Variants in VPS13A observed in about 807,000 individuals in gnomAD.
VPS13A encodes intermembrane lipid transfer protein VPS13A.
In VPS13A, 264 loss-of-function variants were observed where a neutral mutation model predicts 390.9. That is an observed-to-expected ratio of 0.68 (90% confidence interval 0.61 to 0.75). The LOEUF (loss-of-function observed/expected upper bound fraction) is 0.75, where lower values mean the gene tolerates loss of function less well. Among genes scored for constraint, VPS13A ranks in the 30% least tolerant of loss-of-function variants. The pLI is 0.00. For synonymous variants in VPS13A, 1,231 were observed against 1,227.1 expected (o/e 1.00, Z -0.07); for missense variants, 3,409 against 3,733.9 (o/e 0.91, Z 2.27).
intron 10 of VPS13A, among the ~76,000 whole-genome samples, chr9:77,216,713 A>G (rs1310947376): frequency 1.3e-5 from 2 of 152,210 alleles, no homozygotes; most frequent in African/African-American, 4.8e-5. Flanking sequence ...AGATGAGTTT[A>G]TTAAGGAGTA....
intron 21 of VPS13A, among the ~76,000 whole-genome samples, chr9:77,251,589 T>A (rs7860618): frequency 0.19 from 29,218 of 152,148 alleles, 3,650 homozygotes; most frequent in East Asian, 0.38. Flanking sequence ...TTTTTTTACA[T>A]GATTTATATA....
At chr9:77,188,068 A>G (rs763215875) in intron 1 of VPS13A, among the ~76,000 whole-genome samples, 26 of 152,136 alleles carry the variant, frequency 1.7e-4, no homozygotes, top group Non-Finnish European at 3.5e-4. Context: ...TAGTTCTTGC[A>G]AGATCTGGTT....
chr9:77,390,016 C>T (rs1307538074), intron 68 of VPS13A: 2 of 930,564 alleles, frequency 2.1e-6, no homozygotes, highest in African/African-American at 3.6e-5. Flanking sequence ...TAACTGCCGT[C>T]AGCCGACGTG....
In VPS13A at chr9:77,344,139, A is replaced by G. The variant is rs200772178; in HGVS notation, c.7027-14A>G. ...TCTGTTTATTTTTATAAACATATAT[A>G]ATGTATATTTTAGTGTATCCCCTTT... is the stretch of plus-strand genomic sequence containing the variant. On this transcript the variant is annotated splice_polypyrimidine_tract_variant and intron_variant, in intron 50 of 71. Transcript: ENST00000360280. 3.2e-6 allele frequency: 5 copies of G among 1,554,810 alleles called. No homozygotes were observed. Among genetic ancestry groups the G allele is most frequent in the African/African-American group, 1.4e-5 (1 of 73,616 alleles).
At chr9:77,273,677 G>C (rs1331635344) in intron 24 of VPS13A, among the ~76,000 whole-genome samples, 1 of 152,136 alleles carries the variant, frequency 6.6e-6, no homozygotes, top group African/African-American at 2.4e-5. Context: ...TCAGGGATAG[G>C]GGTTGCTGGG....
rs1286595566 is a variant in VPS13A, at chr9:77,207,231, ATATATATATATATATATATAT to A, written c.385+1153_385+1173del. Among the ~76,000 whole-genome samples the A allele has an allele frequency of 6.5e-4, 63 of 97,326 alleles. 2 individuals are homozygous for A. Among genetic ancestry groups the A allele is most frequent in the Non-Finnish European group, 8.4e-4 (39 of 46,318 alleles). The allele number at this position is 97,326 out of a possible 152,430, so 63.8% of individuals were successfully genotyped here. A position where few individuals can be genotyped will look rare whatever the true frequency, so the allele number is the denominator to read the frequency against. ...TTAGATATTATATATATATATATAT[ATATATATATATATATATATAT>A]AAAACGTGTTATATGTAACATAACA... On this transcript the variant is annotated intron_variant, in intron 5 of 71. Transcript: ENST00000360280.
chr9:77,191,683 G>C (rs1824696603), intron 1 of VPS13A, among the ~76,000 whole-genome samples: 1 of 152,132 alleles, frequency 6.6e-6, no homozygotes, highest in South Asian at 2.1e-4. Flanking sequence ...CCATGGAATT[G>C]TATGGTTTTG....
rs1006981235 is a variant in VPS13A, at chr9:77,410,988, C to G, written c.9474+3381C>G. ...ACCCCAAATCAACAGAATATACATTCTTTTCAGCACCACACTGCACTTATT... is the reference window on the plus strand; with the variant it reads ...ACCCCAAATCAACAGAATATACATTGTTTTCAGCACCACACTGCACTTATT... On this transcript the variant is annotated intron_variant, in intron 71 of 71. Transcript: ENST00000360280. 5.3e-5 allele frequency among the ~76,000 whole-genome samples: 8 copies of G among 152,298 alleles called. No homozygotes were observed. In the East Asian group the frequency reaches 1.5e-3, roughly 29 times the overall value.
intron 21 of VPS13A, among the ~76,000 whole-genome samples, chr9:77,251,764 A>G (rs535037832): frequency 7.9e-4 from 121 of 152,240 alleles, no homozygotes; most frequent in African/African-American, 2.7e-3. Context: ...GCCAATCAAC[A>G]ACATCCAAGT....
chr9:77,237,960 A>G (rs767152935), intron 17 of VPS13A, 42 bp from the exon 18 acceptor site: 7 of 1,465,688 alleles, frequency 4.8e-6, no homozygotes, highest in African/African-American at 4.2e-5. Flanking sequence ...ATCCTTCACA[A>G]TTTTACTGAT....
At chr9:77,403,510 AAC>A (rs1167729572) in intron 69 of VPS13A, among the ~76,000 whole-genome samples, 189 bp downstream of exon 69, 1 of 152,202 alleles carries the variant, frequency 6.6e-6, no homozygotes, top group Non-Finnish European at 1.5e-5. Flanking sequence ...CATACAGATA[AAC>A]ACAGTCATGC....
chr9:77,272,983 C>G lies in VPS13A; in HGVS notation c.2428-297C>G, dbSNP rs899183780. Among the ~76,000 whole-genome samples, 186 of 152,192 alleles carry G rather than the reference C, an allele frequency of 1.2e-3. 2 individuals carry two copies. Among genetic ancestry groups the G allele is most frequent in the Non-Finnish European group, 2.8e-4 (19 of 67,992 alleles). ...GACTTGTGTGTTCCTCACAGATGTC[C>G]TGATTTAATACTATGTTGACTTAAA... is the stretch of plus-strand genomic sequence containing the variant. On this transcript the variant is annotated intron_variant, in intron 23 of 71. Coordinates refer to ENST00000360280, the MANE Select transcript of VPS13A (RefSeq NM_033305.3).
At chr9:77,337,903 A>G (rs529792380) in intron 47 of VPS13A, 123 of 169,056 alleles carry the variant, frequency 7.3e-4, no homozygotes, top group African/African-American at 2.7e-3. Context: ...TGCAGTGCTT[A>G]TCAAATGGAA....
intron 1 of VPS13A, among the ~76,000 whole-genome samples, chr9:77,180,700 A>G (rs745903546): frequency 3.3e-5 from 5 of 152,148 alleles, no homozygotes; most frequent in Non-Finnish European, 5.9e-5. Flanking sequence ...TCCTTTCTCT[A>G]TTGAATTATC....
At chr9:77,213,126 T>C in intron 8 of VPS13A, 98 bp downstream of exon 8, 1 of 1,551,158 alleles carries the variant, frequency 6.4e-7, no homozygotes, top group Non-Finnish European at 8.9e-7. Flanking sequence ...TTTTGCTTAT[T>C]TGTTTAACTC....
At chr9:77,190,205 A>G (rs1426375920) in intron 1 of VPS13A, among the ~76,000 whole-genome samples, 5 of 152,138 alleles carry the variant, frequency 3.3e-5, no homozygotes, top group African/African-American at 9.7e-5. Flanking sequence ...GATTTTGCTC[A>G]TTCAGTGTGA....
intron 68 of VPS13A, among the ~76,000 whole-genome samples, chr9:77,392,311 G>T (rs914773389): frequency 6.6e-6 from 1 of 152,134 alleles, no homozygotes; most frequent in African/African-American, 2.4e-5. Context: ...AATATATATA[G>T]TTCTTCTGTG....
chr9:77,344,652 G>A (rs896736463), intron 51 of VPS13A, among the ~76,000 whole-genome samples: 2 of 151,914 alleles, frequency 1.3e-5, no homozygotes, highest in African/African-American at 2.4e-5. Flanking sequence ...CCAGCTACTC[G>A]GGAGGCTGAG....
intron 67 of VPS13A, among the ~76,000 whole-genome samples, chr9:77,380,980 G>A (rs969144169): frequency 6.6e-6 from 1 of 152,190 alleles, no homozygotes. Context: ...CTATGGACCG[G>A]TACTGGTTCA....
Sources: gnomAD v4.1 joint callset for allele counts (sites outside exome capture counted in the v4.1 genomes callset) on GRCh38, gnomAD v4.1.1 for gene constraint, MANE v1.5 for transcripts, NCBI Gene and HGNC (gene_info 2026-07-23, HGNC 2026-07-21) for gene names.